The following DLGAP1 variants were observed in gnomAD, a reference collection of about 807,000 sequenced individuals.
DLGAP1 encodes the protein DLG associated protein 1, also known as disks large-associated protein 1.
A neutral mutation model predicts 90.8 loss-of-function variants in DLGAP1; 11 were observed. That is an observed-to-expected ratio of 0.12 (90% CI 0.08 to 0.20). The LOEUF is 0.20. Ranked by LOEUF, DLGAP1 falls within the 10% of genes least tolerant of loss-of-function variation. The pLI is 1.00. For missense variants in DLGAP1, 1,050 were observed against 1,333.8 expected, an observed-to-expected ratio of 0.79 and a Z score of 3.31; for synonymous variants, 558 against 540.7, an observed-to-expected ratio of 1.03 and a Z score of -0.44.
At chr18:4,326,315 G>T (rs1394246997) in intron 1 of DLGAP1, among the ~76,000 whole-genome samples, 1 of 152,122 alleles carries the variant, frequency 6.6e-6, no homozygotes, top group Non-Finnish European at 1.5e-5. Flanking sequence ...ACAGATGTCA[G>T]AATGTCTATT....
In DLGAP1 at chr18:3,880,151, GAAGAA is replaced by G; in HGVS notation, c.-72-16_-72-12del. 8.0e-7 allele frequency: 1 copy of G among 1,248,710 alleles called. No individual in the cohort carries two copies. Among genetic ancestry groups the G allele is most frequent in the Non-Finnish European group, 1.1e-6 (1 of 876,206 alleles). 77.4% of individuals were successfully genotyped at this position (1,248,710 alleles called of 1,614,324 possible). ...GTCTTGGGCAGGGATCTGGGGGAAT[GAAGAA>G]AAGGGCAAAGTCGTTAACATTTCTC... On this transcript the variant is annotated splice_polypyrimidine_tract_variant and intron_variant, in intron 3 of 12. Coordinates refer to ENST00000315677, the MANE Select transcript of DLGAP1 (RefSeq NM_004746.4).
intron 7 of DLGAP1, chr18:3,656,369 T>C: frequency 2.2e-6 from 1 of 464,478 alleles, no homozygotes; most frequent in Non-Finnish European, 3.8e-6. Context: ...TGTTTTTGGA[T>C]GGGACAAAGG....
chr18:3,632,179 C>T (rs930070849), intron 7 of DLGAP1, among the ~76,000 whole-genome samples: 1 of 152,206 alleles, frequency 6.6e-6, no homozygotes, highest in African/African-American at 2.4e-5. Context: ...CTCATATCTT[C>T]CATCAGGGAT....
At chr18:3,640,684 C>T (rs574730632) in intron 7 of DLGAP1, among the ~76,000 whole-genome samples, 2 of 152,336 alleles carry the variant, frequency 1.3e-5, no homozygotes, top group Admixed American at 6.5e-5. Flanking sequence ...GGGCCAAAGA[C>T]GTGATGACCA....
intron 1 of DLGAP1, among the ~76,000 whole-genome samples, chr18:4,452,888 A>G (rs1044764325): frequency 1.3e-5 from 2 of 152,190 alleles, no homozygotes; most frequent in Admixed American, 6.5e-5. Context: ...ACATATTTAA[A>G]AGAATGTTAA....
At chr18:4,338,101 T>G (rs942413178) in intron 1 of DLGAP1, among the ~76,000 whole-genome samples, 15 of 152,192 alleles carry the variant, frequency 9.9e-5, no homozygotes, top group Admixed American at 1.3e-4. Context: ...ATTAAAAAAT[T>G]CCAATCAGTC....
intron 2 of DLGAP1, among the ~76,000 whole-genome samples, chr18:4,069,345 G>T (rs565354943): frequency 1.3e-5 from 2 of 152,116 alleles, no homozygotes; most frequent in African/African-American, 4.8e-5. Context: ...ATGCCTTGGG[G>T]ATTGATGATT....
chr18:4,137,696 G>A (rs2076428714), intron 2 of DLGAP1, among the ~76,000 whole-genome samples: 3 of 152,116 alleles, frequency 2.0e-5, no homozygotes, highest in Admixed American at 6.6e-5. Context: ...GGATTGCACT[G>A]AGTCCGTAGA....
intron 1 of DLGAP1, among the ~76,000 whole-genome samples, chr18:4,265,663 C>CCCTCCCTCCCTTCCTTCCTTCCTT (rs1480684536): frequency 3.7e-5 from 2 of 54,262 alleles, no homozygotes; most frequent in African/African-American, 3.5e-4. Flanking sequence ...CTCCCTCCCT[C>CCCTCCCTCCCTTCCTTCCTTCCTT]CCTTCCTTCC....
chr18:3,596,729 G>A (rs1028041298), intron 7 of DLGAP1: 8 of 451,532 alleles, frequency 1.8e-5, no homozygotes, highest in Admixed American at 2.8e-5. Context: ...GATGAGAAGA[G>A]ACTTCCTGGA....
chr18:3,988,844 A>G (rs946655695), intron 3 of DLGAP1, among the ~76,000 whole-genome samples: 1 of 152,196 alleles, frequency 6.6e-6, no homozygotes, highest in Admixed American at 6.5e-5. Flanking sequence ...TCAGTTTCTA[A>G]TGCCAGTCCG....
At chr18:3,572,395 G>A (rs571656655) in intron 8 of DLGAP1, among the ~76,000 whole-genome samples, 47 of 151,986 alleles carry the variant, frequency 3.1e-4, no homozygotes, top group South Asian at 1.2e-3. Context: ...CTAGCATTTC[G>A]TCTTTAAGCA....
intron 7 of DLGAP1, among the ~76,000 whole-genome samples, chr18:3,601,114 T>G (rs994570070): frequency 1.3e-5 from 2 of 150,852 alleles, no homozygotes; most frequent in Non-Finnish European, 3.0e-5. Flanking sequence ...TGAGACAGAG[T>G]CTCACCCTGT....
intron 7 of DLGAP1, among the ~76,000 whole-genome samples, chr18:3,614,921 T>A (rs922956713): frequency 6.6e-6 from 1 of 151,878 alleles, no homozygotes; most frequent in Non-Finnish European, 1.5e-5. Flanking sequence ...ATTTTTATTT[T>A]ATTTATTTAT....
At chr18:3,605,268 C>T (rs1294746246) in intron 7 of DLGAP1, among the ~76,000 whole-genome samples, 1 of 152,206 alleles carries the variant, frequency 6.6e-6, no homozygotes, top group African/African-American at 2.4e-5. Context: ...TACGAGCTTA[C>T]GTTCGACCTC....
At chr18:4,392,450 T>C (rs2082358567) in intron 1 of DLGAP1, among the ~76,000 whole-genome samples, 1 of 152,182 alleles carries the variant, frequency 6.6e-6, no homozygotes, top group Admixed American at 6.5e-5. Flanking sequence ...TAATGTATTA[T>C]TTATTCTGAG....
intron 7 of DLGAP1, chr18:3,597,902 C>T (rs746932035): frequency 7.9e-5 from 12 of 152,726 alleles, no homozygotes; most frequent in Admixed American, 1.3e-4. Flanking sequence ...TCATCCTCCT[C>T]CTTCTCTCTG....
At chr18:3,958,325 C>T (rs530696673) in intron 3 of DLGAP1, among the ~76,000 whole-genome samples, 2 of 152,012 alleles carry the variant, frequency 1.3e-5, no homozygotes, top group African/African-American at 4.8e-5. Flanking sequence ...TTAGTCCATA[C>T]TTTTAAAAAC....
intron 3 of DLGAP1, among the ~76,000 whole-genome samples, chr18:3,923,897 G>A (rs2072322678): frequency 6.6e-6 from 1 of 152,196 alleles, no homozygotes; most frequent in Non-Finnish European, 1.5e-5. Context: ...GACAAAACCA[G>A]TATCTTAAAG....
Sources: gnomAD v4.1 joint callset for allele counts (sites outside exome capture counted in the v4.1 genomes callset) on GRCh38, gnomAD v4.1.1 for gene constraint, MANE v1.5 for transcripts, NCBI Gene and HGNC (gene_info 2026-07-23, HGNC 2026-07-21) for gene names.